The following TAFA4 variants were observed in gnomAD, a reference collection of about 807,000 sequenced individuals.
TAFA4 encodes the protein TAFA chemokine like family member 4.
A neutral mutation model predicts 21.1 loss-of-function variants in TAFA4; 20 were observed. The ratio of observed to expected loss-of-function variants is 0.95; its 90% CI spans 0.67 to 1.38. The LOEUF (loss-of-function observed/expected upper bound fraction) is 1.38, where lower values mean the gene tolerates loss of function less well. TAFA4 is among the 40% of genes most tolerant of loss of function. The probability of loss-of-function intolerance (pLI) is 0.00; values close to 1 mark genes in which losing one functional copy is unlikely to be tolerated. For missense variants in TAFA4, 211 were observed against 180.9 expected, an observed-to-expected ratio of 1.17 and a Z score of -0.95; for synonymous variants, 71 against 67.4, an observed-to-expected ratio of 1.05 and a Z score of -0.26.
intron 3 of TAFA4, among the ~76,000 whole-genome samples, chr3:68,850,468 A>C (rs1226688482): frequency 6.6e-6 from 1 of 152,194 alleles, no homozygotes; most frequent in African/African-American, 2.4e-5. Context: ...AGGAATCACA[A>C]TACTGTCTTC....
At chr3:68,762,642 C>T (rs746100051) in intron 3 of TAFA4, among the ~76,000 whole-genome samples, 3 of 152,250 alleles carry the variant, frequency 2.0e-5, no homozygotes, top group Non-Finnish European at 4.4e-5. Context: ...CCCCACTCAA[C>T]ACCAGGTGCT....
rs939250331 is a variant in TAFA4, at chr3:68,739,396, ATGT to A, written c.287-200_287-198del. ...TTATTAAAAATTTTAAAAGCAACAG[ATGT>A]TGGTGAGAACGCAGAGAAAAGGGAA... On this transcript the variant is annotated intron_variant, in intron 4 of 5. Coordinates refer to ENST00000295569, the MANE Select transcript of TAFA4 (RefSeq NM_182522.5). Among the ~76,000 whole-genome samples, 114 of 152,320 alleles carry A rather than the reference ATGT, an allele frequency of 7.5e-4. 1 individual carries two copies. The highest frequency in any genetic ancestry group is 2.6e-3 in the African/African-American group (109 of 41,572).
intron 1 of TAFA4, among the ~76,000 whole-genome samples, chr3:68,895,010 T>A (rs1308725156): frequency 2.0e-5 from 3 of 152,080 alleles, no homozygotes; most frequent in African/African-American, 7.2e-5. Context: ...CATACCACCA[T>A]GCTGGGCTAA....
intron 3 of TAFA4, among the ~76,000 whole-genome samples, chr3:68,847,118 GCTGTCCCTTCCCCGAGGTGAT>G (rs959575378): frequency 1.3e-5 from 2 of 152,204 alleles, no homozygotes; most frequent in Admixed American, 6.5e-5. Context: ...TGTGCCCACA[GCTGTCCCTTCCCCGAGGTGAT>G]CTGTCCCAGG....
At chr3:68,805,947 A>T (rs1182325010) in intron 3 of TAFA4, among the ~76,000 whole-genome samples, 1 of 152,122 alleles carries the variant, frequency 6.6e-6, no homozygotes, top group East Asian at 1.9e-4. Flanking sequence ...CTAAAACTTA[A>T]AGTATAATAA....
intron 4 of TAFA4, among the ~76,000 whole-genome samples, chr3:68,741,534 C>G (rs374929912): frequency 7.5e-4 from 114 of 152,242 alleles, no homozygotes; most frequent in African/African-American, 2.7e-3. Flanking sequence ...GTGACTCATG[C>G]CTGTAATCCC....
chr3:68,749,459 G>A (rs574160799), intron 4 of TAFA4, among the ~76,000 whole-genome samples: 34 of 152,226 alleles, frequency 2.2e-4, no homozygotes, highest in Admixed American at 5.2e-4. Flanking sequence ...GCAGAGAATA[G>A]GTCTTCTCAC....
intron 3 of TAFA4, among the ~76,000 whole-genome samples, chr3:68,824,629 T>C (rs1704185661): frequency 6.6e-6 from 1 of 152,204 alleles, no homozygotes; most frequent in Admixed American, 6.5e-5. Flanking sequence ...AGGATTCGAA[T>C]GTGCATCTCC....
At chr3:68,762,045 T>C (rs996581409) in intron 3 of TAFA4, among the ~76,000 whole-genome samples, 1 of 151,762 alleles carries the variant, frequency 6.6e-6, no homozygotes, top group Admixed American at 6.6e-5. Flanking sequence ...AAGAGAGAAA[T>C]CTGGCTTTAG....
At chr3:68,888,804 G>A (rs1026233167) in intron 1 of TAFA4, among the ~76,000 whole-genome samples, 4 of 151,622 alleles carry the variant, frequency 2.6e-5, no homozygotes, top group Non-Finnish European at 5.9e-5. Flanking sequence ...CACGGCCCTC[G>A]AGATAATGAC....
chr3:68,832,884 A>C (rs1247895797), intron 3 of TAFA4, among the ~76,000 whole-genome samples: 4 of 152,182 alleles, frequency 2.6e-5, no homozygotes, highest in Non-Finnish European at 5.9e-5. Context: ...CTGTGAACAT[A>C]CAACCGCCTA....
chr3:68,815,384 G>A (rs541332690), intron 3 of TAFA4, among the ~76,000 whole-genome samples: 1 of 152,130 alleles, frequency 6.6e-6, no homozygotes, highest in Non-Finnish European at 1.5e-5. Context: ...GCAGCGTACA[G>A]AATGGGAGAA....
chr3:68,841,532 G>C (rs1704665921), intron 3 of TAFA4, among the ~76,000 whole-genome samples: 1 of 151,976 alleles, frequency 6.6e-6, no homozygotes, highest in Non-Finnish European at 1.5e-5. Context: ...TGATTTACTA[G>C]AGGGGTTTAA....
At chr3:68,877,532 G>A (rs1027103095) in intron 3 of TAFA4, among the ~76,000 whole-genome samples, 1 of 152,058 alleles carries the variant, frequency 6.6e-6, no homozygotes, top group Non-Finnish European at 1.5e-5. Context: ...CCCAATCAGT[G>A]ATACATCCTC....
chr3:68,831,589 G>C (rs1162344705), intron 3 of TAFA4, among the ~76,000 whole-genome samples: 1 of 152,092 alleles, frequency 6.6e-6, no homozygotes, highest in Admixed American at 6.6e-5. Flanking sequence ...TGGGTAACCC[G>C]ACCTTTCTCT....
At chr3:68,829,925 T>C (rs1454525287) in intron 3 of TAFA4, among the ~76,000 whole-genome samples, 1 of 152,184 alleles carries the variant, frequency 6.6e-6, no homozygotes, top group Non-Finnish European at 1.5e-5. Context: ...GGAGGGTGTA[T>C]GTGTCGAGGA....
chr3:68,907,532 G>T (rs2089914308), intron 1 of TAFA4, among the ~76,000 whole-genome samples: 1 of 152,208 alleles, frequency 6.6e-6, no homozygotes, highest in South Asian at 2.1e-4. Flanking sequence ...AGGGTGTTGT[G>T]ATACTAACAG....
intron 3 of TAFA4, among the ~76,000 whole-genome samples, chr3:68,802,113 T>G (rs1227702444): frequency 6.6e-6 from 1 of 152,206 alleles, no homozygotes; most frequent in Non-Finnish European, 1.5e-5. Flanking sequence ...ATTTTTACTC[T>G]GTTACAAAAT....
chr3:68,892,826 A>G (rs2089743760), intron 1 of TAFA4, among the ~76,000 whole-genome samples: 1 of 152,226 alleles, frequency 6.6e-6, no homozygotes, highest in African/African-American at 2.4e-5. Context: ...ACCGTGAAGT[A>G]AAAAGTACAA....
Sources: gnomAD v4.1 joint callset for allele counts (sites outside exome capture counted in the v4.1 genomes callset) on GRCh38, gnomAD v4.1.1 for gene constraint, MANE v1.5 for transcripts, NCBI Gene and HGNC (gene_info 2026-07-23, HGNC 2026-07-21) for gene names.